SH3BGRL: variants seen among roughly 807,000 people sequenced by gnomAD.
SH3BGRL encodes the protein adapter SH3BGRL.
A neutral mutation model predicts 9.8 loss-of-function variants in SH3BGRL; 7 were observed. The ratio of observed to expected loss-of-function variants is 0.72; its 90% CI spans 0.41 to 1.35. The LOEUF is 1.35. Among genes scored for constraint, SH3BGRL ranks in the 40% most tolerant of loss-of-function variants. SH3BGRL has a pLI of 0.01. For synonymous variants in SH3BGRL, 36 were observed against 29.1 expected, an observed-to-expected ratio of 1.24 and a Z score of -0.76; for missense variants, 73 against 84.4, an observed-to-expected ratio of 0.86 and a Z score of 0.53.
intron 3 of SH3BGRL, among the ~76,000 whole-genome samples, chrX:81,288,213 A>G (rs998472476): frequency 8.9e-6 from 1 of 112,189 alleles, no homozygotes; most frequent in Non-Finnish European, 1.9e-5. Context: ...ATTGATGCTG[A>G]AAAAGCATTT....
At chrX:81,250,832 G>T (rs2075707464) in intron 1 of SH3BGRL, among the ~76,000 whole-genome samples, 2 of 111,957 alleles carry the variant, frequency 1.8e-5, no homozygotes, top group Admixed American at 9.5e-5. Context: ...TAGGCACTAG[G>T]CAGTCATTGA....
intron 1 of SH3BGRL, among the ~76,000 whole-genome samples, chrX:81,276,638 G>T (rs2075799061): frequency 9.0e-6 from 1 of 111,159 alleles, no homozygotes; most frequent in African/African-American, 3.3e-5. Context: ...ACTAAGAGAG[G>T]CTTGTAGAGT....
At chrX:81,246,349 T>C (rs1313210763) in intron 1 of SH3BGRL, among the ~76,000 whole-genome samples, 1 of 111,856 alleles carries the variant, frequency 8.9e-6, no homozygotes, top group East Asian at 2.8e-4. Context: ...CTTTTTGCAG[T>C]TGCTTTTGAT....
intron 1 of SH3BGRL, among the ~76,000 whole-genome samples, chrX:81,255,190 A>G (rs946178649): frequency 2.2e-4 from 25 of 111,863 alleles, no homozygotes; most frequent in African/African-American, 7.8e-4. Context: ...ACCCAGCCAC[A>G]AATTCTTTTA....
Position 81,216,185 on chromosome X carries a change from C to T in SH3BGRL, c.45+13940C>T, listed in dbSNP as rs745854830. 1.2e-3 allele frequency among the ~76,000 whole-genome samples: 129 copies of T among 110,863 alleles called. 1 individual carries two copies. Among genetic ancestry groups the T allele is most frequent in the African/African-American group, 4.1e-3 (126 of 30,587 alleles). On this transcript the variant is annotated intron_variant, in intron 1 of 3. Coordinates refer to ENST00000373212, the MANE Select transcript of SH3BGRL (RefSeq NM_003022.3). The stretch of plus-strand genomic sequence containing the variant: ...TCTTCCTGCTCTCCTTGTTTTTTTT[C>T]CCTCTCTTTTCCAAGGGTTATAGGA...
intron 1 of SH3BGRL, among the ~76,000 whole-genome samples, chrX:81,268,181 AT>A (rs1267307143): frequency 5.5e-5 from 6 of 109,075 alleles, no homozygotes; most frequent in Non-Finnish European, 9.6e-5. Context: ...GGATCCACTA[AT>A]TTTTTTTTGA....
chrX:81,236,318 A>G (rs1443574389), intron 1 of SH3BGRL, among the ~76,000 whole-genome samples: 1 of 111,990 alleles, frequency 8.9e-6, no homozygotes, highest in African/African-American at 3.2e-5. Context: ...TTCAGATATT[A>G]AAACATGCCT....
chrX:81,241,162 G>T (rs1363995419), intron 1 of SH3BGRL, among the ~76,000 whole-genome samples: 1 of 112,152 alleles, frequency 8.9e-6, no homozygotes, highest in Non-Finnish European at 1.9e-5. Context: ...TGCATGATTG[G>T]GGCGGTGCTG....
At chrX:81,281,101 T>G (rs888980595) in intron 3 of SH3BGRL, among the ~76,000 whole-genome samples, 3 of 110,848 alleles carry the variant, frequency 2.7e-5, no homozygotes, top group Non-Finnish European at 5.7e-5. Context: ...GGTCTTTGAA[T>G]TAACCCAATC....
chrX:81,278,393 A>G lies in SH3BGRL; in HGVS notation c.294A>G (p.Thr98=), dbSNP rs1177749687. 3 of 1,185,542 alleles carry G rather than the reference A, an allele frequency of 2.5e-6. No individual in the cohort carries two copies. The East Asian group carries it at 9.0e-5, about 36-fold the overall frequency. The change falls in exon 3 of 4, where the codon ACA becomes ACG. Residue 98 remains threonine (T), a synonymous_variant. Transcript: ENST00000373212. The part of the protein sequence containing the change: ...NNAVYAFLGL[T]APPGSKEAEV... The stretch of plus-strand genomic sequence containing the variant: ...CAGTGTATGCCTTCTTAGGCTTGAC[A>G]GCCCCACCTGGTTCAAAGGTATGAT...
At chrX:81,267,563 G>T (rs1321109793) in intron 1 of SH3BGRL, among the ~76,000 whole-genome samples, 2 of 111,655 alleles carry the variant, frequency 1.8e-5, no homozygotes, top group Non-Finnish European at 3.8e-5. Context: ...AAGCTGACTT[G>T]ATTGTGGTGG....
chrX:81,224,281 C>T (rs1274357295), intron 1 of SH3BGRL, among the ~76,000 whole-genome samples: 1 of 111,081 alleles, frequency 9.0e-6, no homozygotes, highest in African/African-American at 3.3e-5. Context: ...GCTAATCAAC[C>T]AGGAAACCCT....
chrX:81,277,150 A>G lies in SH3BGRL; in HGVS notation c.212A>G (p.Asn71Ser), dbSNP rs199614975. 2.4e-5 allele frequency: 29 copies of G among 1,207,086 alleles called. No homozygotes were observed. The highest frequency in any genetic ancestry group is 3.1e-5 in the Non-Finnish European group (28 of 893,901). ...TGYPLPPQIFNESQYRGDYDA... is the reference protein window; with the variant it reads ...TGYPLPPQIFSESQYRGDYDA... ...TACCCCCTGCCACCTCAGATTTTCA[A>G]TGAAAGCCAGTATCGCGGGGTAAGA... The change falls in exon 2 of 4, where the codon AAT (asparagine) becomes AGT (serine). Residue 71 changes from asparagine to serine, a missense_variant. Transcript: ENST00000373212.
intron 1 of SH3BGRL, among the ~76,000 whole-genome samples, chrX:81,211,448 G>T (rs1015069293): frequency 8.1e-5 from 9 of 111,257 alleles, no homozygotes; most frequent in African/African-American, 2.6e-4. Flanking sequence ...TTAGCCGGGC[G>T]TGGTGGCGGG....
chrX:81,231,290 G>A (rs2075632190), intron 1 of SH3BGRL, among the ~76,000 whole-genome samples: 1 of 112,356 alleles, frequency 8.9e-6, no homozygotes, highest in Non-Finnish European at 1.9e-5. Context: ...TAAATTTGGA[G>A]TCAAGGGAAT....
At chrX:81,243,274 A>G (rs1346768607) in intron 1 of SH3BGRL, among the ~76,000 whole-genome samples, 2 of 112,452 alleles carry the variant, frequency 1.8e-5, no homozygotes, top group African/African-American at 6.5e-5. Flanking sequence ...TAAGTGAAAT[A>G]AATCAGGCGC....
intron 3 of SH3BGRL, among the ~76,000 whole-genome samples, chrX:81,279,373 A>G (rs994404404): frequency 9.0e-6 from 1 of 111,492 alleles, no homozygotes; most frequent in Non-Finnish European, 1.9e-5. Flanking sequence ...ACAGAGCAGC[A>G]TCTGGAGGCT....
At position 81,204,635 on chromosome X, in the gene SH3BGRL, G is replaced by T. The variant is rs766258869; in HGVS notation, c.45+2390G>T. 3.6e-5 allele frequency among the ~76,000 whole-genome samples: 4 copies of T among 110,689 alleles called. No homozygotes were observed. In the South Asian group the frequency reaches 1.5e-3, roughly 43 times the overall value. The stretch of plus-strand genomic sequence containing the variant: ...TGTTATACTGGTTATACTGGGCAGA[G>T]TGGGGGATCTGGATCTGTGATAATT... On this transcript the variant is annotated intron_variant, in intron 1 of 3. Transcript: ENST00000373212.
intron 1 of SH3BGRL, among the ~76,000 whole-genome samples, chrX:81,231,374 T>C (rs1379409202): frequency 8.9e-6 from 1 of 112,606 alleles, no homozygotes; most frequent in Non-Finnish European, 1.9e-5. Context: ...CTTTTTTAAA[T>C]AAAGAGAGTT....
Sources: gnomAD v4.1 joint callset for allele counts (sites outside exome capture counted in the v4.1 genomes callset) on GRCh38, gnomAD v4.1.1 for gene constraint, MANE v1.5 for transcripts, NCBI Gene and HGNC (gene_info 2026-07-23, HGNC 2026-07-21) for gene names.